MATN2: variants seen among roughly 807,000 people sequenced by gnomAD.
MATN2 encodes matrilin-2.
MATN2 carries 69 observed loss-of-function variants against 103.2 expected under a neutral mutation model. The observed-to-expected ratio is 0.67, with a 90% CI of 0.55 to 0.82. The LOEUF (loss-of-function observed/expected upper bound fraction) is 0.82, where lower values mean the gene tolerates loss of function less well. MATN2 is among the 40% of genes least tolerant of loss of function. MATN2 has a pLI of 0.00. For missense variants in MATN2, 1,023 were observed against 1,211.5 expected, an observed-to-expected ratio of 0.84 and a Z score of 2.31; for synonymous variants, 429 against 450.2, an observed-to-expected ratio of 0.95 and a Z score of 0.60.
chr8:97,876,587 G>A (rs1019072625), intron 1 of MATN2, among the ~76,000 whole-genome samples: 1 of 152,122 alleles, frequency 6.6e-6, no homozygotes, highest in Non-Finnish European at 1.5e-5. Context: ...GCCTCCCAAA[G>A]TGCTAGCATT....
intron 4 of MATN2, among the ~76,000 whole-genome samples, chr8:97,949,458 G>A (rs1011435436): frequency 6.6e-6 from 1 of 152,086 alleles, no homozygotes; most frequent in Non-Finnish European, 1.5e-5. Context: ...ACAGTCTTGA[G>A]CCACTGTGCC....
chr8:97,980,558 C>CTTTTTTT (rs71570278), intron 6 of MATN2, among the ~76,000 whole-genome samples: 17 of 94,092 alleles, frequency 1.8e-4, no homozygotes, highest in East Asian at 3.2e-4. Context: ...TTATTCTTTC[C>CTTTTTTT]TTTTTTTTTT....
chr8:98,010,890 C>G (rs992301750), intron 10 of MATN2, among the ~76,000 whole-genome samples: 12 of 152,254 alleles, frequency 7.9e-5, no homozygotes, highest in African/African-American at 2.2e-4. Flanking sequence ...AGGCCCTGAG[C>G]TTGGCCTTCC....
At chr8:97,910,174 AC>A (rs1203059143) in intron 2 of MATN2, among the ~76,000 whole-genome samples, 1 of 147,496 alleles carries the variant, frequency 6.8e-6, no homozygotes. Context: ...CGATTTTCCC[AC>A]CTCAGCCTCC....
intron 3 of MATN2, among the ~76,000 whole-genome samples, chr8:97,932,494 A>G (rs929517794): frequency 6.6e-6 from 1 of 152,296 alleles, no homozygotes; most frequent in East Asian, 1.9e-4. Flanking sequence ...CCTGAGCTGC[A>G]TTCTTCTATG....
chr8:98,033,200 A>G (rs747953363), intron 17 of MATN2, 24 bp downstream of exon 17: 5 of 1,575,318 alleles, frequency 3.2e-6, no homozygotes, highest in African/African-American at 1.4e-5. Context: ...AAATATTACT[A>G]TAAGATAACT....
rs182462937 is a variant in MATN2 at position 97,983,306 on chromosome 8, C to A, written c.1081+4298C>A. Among the ~76,000 whole-genome samples the A allele has an allele frequency of 1.0e-3, 154 of 152,254 alleles. 1 individual carries two copies. Among genetic ancestry groups the A allele is most frequent in the African/African-American group, 3.6e-3 (148 of 41,548 alleles). ...TTGATGGACGTTTGGGCTCCTTCCA[C>A]CTTTTGCCTATTGTGAATAAAGCTA... On this transcript the variant is annotated intron_variant, in intron 6 of 18. Transcript: ENST00000254898.
intron 2 of MATN2, among the ~76,000 whole-genome samples, chr8:97,916,629 C>G (rs1321864271): frequency 1.6e-4 from 25 of 152,126 alleles, no homozygotes; most frequent in Admixed American, 1.6e-3. Flanking sequence ...ACCACTGTTT[C>G]ACAGCTTATT....
At chr8:97,918,065 A>C (rs1470485217) in intron 2 of MATN2, among the ~76,000 whole-genome samples, 1 of 152,156 alleles carries the variant, frequency 6.6e-6, no homozygotes, top group African/African-American at 2.4e-5. Flanking sequence ...AGCCTGGGTG[A>C]GGCTTTGTTT....
chr8:97,955,633 C>G (rs951873452), intron 4 of MATN2, among the ~76,000 whole-genome samples: 4 of 152,218 alleles, frequency 2.6e-5, no homozygotes, highest in African/African-American at 7.2e-5. Flanking sequence ...TAGATGGCTA[C>G]TAAGCACCAA....
intron 6 of MATN2, among the ~76,000 whole-genome samples, chr8:97,980,079 G>C (rs945636429): frequency 3.9e-5 from 6 of 152,178 alleles, no homozygotes; most frequent in Admixed American, 1.3e-4. Context: ...GTCCTTAAGG[G>C]AGAAGATAAC....
intron 8 of MATN2, among the ~76,000 whole-genome samples, chr8:98,006,460 C>A (rs975420438): frequency 3.3e-5 from 5 of 152,226 alleles, no homozygotes; most frequent in African/African-American, 1.2e-4. Context: ...TCAACATCCA[C>A]ATTCACAAAT....
At chr8:98,010,154 A>G (rs1343876302) in intron 10 of MATN2, among the ~76,000 whole-genome samples, 1 of 152,090 alleles carries the variant, frequency 6.6e-6, no homozygotes, top group African/African-American at 2.4e-5. Flanking sequence ...TTCTTTAGCC[A>G]AAGTGGCAAG....
At chr8:97,993,086 T>C (rs1470284257) in intron 6 of MATN2, among the ~76,000 whole-genome samples, 8 of 152,268 alleles carry the variant, frequency 5.3e-5, no homozygotes, top group Non-Finnish European at 1.2e-4. Flanking sequence ...TGTACATGGA[T>C]TTATTATACT....
In MATN2 at chr8:97,931,797, G is replaced by C. The variant is rs1423113899; in HGVS notation, c.712+275G>C. ...AGCTCACTGTAACCTCAAACTCCTG[G>C]GCTTAGGTGATCCTCTTGCCTTAGC... On this transcript the variant is annotated intron_variant, in intron 3 of 18. Transcript: ENST00000254898. This position sits in a 1 kb window ranked among gnomAD's most constrained non-coding sequence, Gnocchi z 4.1. Among the ~76,000 whole-genome samples the C allele has an allele frequency of 6.6e-6, 1 of 152,124 alleles. No individual in the cohort carries two copies. Among genetic ancestry groups the C allele is most frequent in the Non-Finnish European group, 1.5e-5 (1 of 68,018 alleles).
intron 3 of MATN2, among the ~76,000 whole-genome samples, chr8:97,936,868 A>G (rs1382586138): frequency 1.3e-5 from 2 of 152,248 alleles, no homozygotes; most frequent in African/African-American, 4.8e-5. Context: ...AGCATTCTAC[A>G]GATGGGAAAG....
rs1586399963 is a variant in MATN2 at position 97,907,239 on chromosome 8, G to T, written c.142+18997G>T. 3.3e-5 allele frequency among the ~76,000 whole-genome samples: 5 copies of T among 151,166 alleles called. No individual in the cohort carries two copies. In the South Asian group the frequency reaches 1.0e-3, roughly 32 times the overall value. On this transcript the variant is annotated intron_variant, in intron 2 of 18. Coordinates refer to ENST00000254898, the MANE Select transcript of MATN2 (RefSeq NM_002380.5). ...TGATCTCGATCTCCTGACCTTAGGT[G>T]ATCTGCCTGCCTCGGCCCCTTAAAC...
chr8:97,879,751 G>T (rs1818194354), intron 1 of MATN2, among the ~76,000 whole-genome samples: 1 of 152,218 alleles, frequency 6.6e-6, no homozygotes, highest in African/African-American at 2.4e-5. Flanking sequence ...TGGACAGGCT[G>T]AATTGGCAAG....
In MATN2 at chr8:98,017,369, G is replaced by A. The variant is rs554515419; in HGVS notation, c.1697-625G>A. ...GCTGCAGCCAGCCAGCCCAGGACAAGCAGCCTTAGAGTGAATTGCTGGTGT... is the reference window on the plus strand; with the variant it reads ...GCTGCAGCCAGCCAGCCCAGGACAAACAGCCTTAGAGTGAATTGCTGGTGT... On this transcript the variant is annotated intron_variant, in intron 11 of 18. Transcript: ENST00000254898. Among the ~76,000 whole-genome samples the A allele has an allele frequency of 1.5e-3, 221 of 152,318 alleles. 3 individuals are homozygous for A. The highest frequency in any genetic ancestry group is 5.1e-3 in the African/African-American group (210 of 41,566).
Sources: allele counts gnomAD v4.1 joint callset (sites outside exome capture counted in the v4.1 genomes callset), GRCh38; gene constraint gnomAD v4.1.1; non-coding constraint Gnocchi (gnomAD v3.1); transcripts MANE v1.5; gene names NCBI Gene and HGNC (gene_info 2026-07-23, HGNC 2026-07-21).